CDK14: variants seen among roughly 807,000 people sequenced by gnomAD.
CDK14 encodes cyclin-dependent kinase 14.
CDK14 carries 34 observed loss-of-function variants against 60.7 expected under a neutral mutation model. The observed-to-expected ratio is 0.56, with a 90% CI of 0.43 to 0.75. The LOEUF is 0.75. CDK14 is among the 30% of genes least tolerant of loss of function. The probability of loss-of-function intolerance (pLI) is 0.00; values close to 1 mark genes in which losing one functional copy is unlikely to be tolerated. For synonymous variants in CDK14, 197 were observed against 203.7 expected (o/e 0.97, Z 0.28); for missense variants, 482 against 564.1 (o/e 0.85, Z 1.47).
At chr7:90,839,884 C>G (rs11973359) in intron 5 of CDK14, among the ~76,000 whole-genome samples, 4,033 of 152,108 alleles carry the variant, frequency 0.027, 163 homozygotes, top group African/African-American at 0.091. Context: ...CCTCATGCCT[C>G]CATCCTGTAC....
intron 4 of CDK14, among the ~76,000 whole-genome samples, chr7:90,768,999 A>G (rs560117758): frequency 6.6e-6 from 1 of 152,324 alleles, no homozygotes; most frequent in Admixed American, 6.5e-5. Context: ...TAAGAGGCAA[A>G]TGGTAGACAG....
At chr7:90,917,458 C>A in intron 7 of CDK14, 143 bp from the exon 8 acceptor site, 1 of 640,250 alleles carries the variant, frequency 1.6e-6, no homozygotes, top group Non-Finnish European at 2.6e-6. Context: ...TAAAATCTCA[C>A]ATTCTGTTGA....
chr7:91,007,789 GAAA>G (rs143025433), intron 10 of CDK14, among the ~76,000 whole-genome samples: 2 of 144,954 alleles, frequency 1.4e-5, no homozygotes, highest in East Asian at 2.0e-4. Context: ...CAGGAGGGAG[GAAA>G]AAAAAAACAA....
In CDK14 at chr7:90,930,529, C is replaced by CTTTTT. The variant is rs61187542; in HGVS notation, c.826+12825_826+12829dup. Among the ~76,000 whole-genome samples the CTTTTT allele has an allele frequency of 1.0e-3, 83 of 81,362 alleles. 4 individuals carry two copies. The highest frequency in any genetic ancestry group is 4.3e-3 in the African/African-American group (75 of 17,264). 53.4% of individuals were successfully genotyped at this position (81,362 alleles called of 152,430 possible). A position where few individuals can be genotyped will look rare whatever the true frequency, so the allele number is the denominator to read the frequency against. On this transcript the variant is annotated intron_variant, in intron 8 of 14. Transcript: ENST00000380050. Reference sequence around the variant, plus strand: ...GTGCAGTGTTATAGCACAGGCTAAGCTTTTTTTTTTTTTTTTTTTTTTTTG... The same window carrying CTTTTT: ...GTGCAGTGTTATAGCACAGGCTAAGCTTTTTTTTTTTTTTTTTTTTTTTTTTTTTG...
chr7:90,917,846 T>TC, intron 8 of CDK14, 122 bp downstream of exon 8: 1 of 992,296 alleles, frequency 1.0e-6, no homozygotes, highest in Non-Finnish European at 1.4e-6. Context: ...ATTTTTTTTT[T>TC]CTGAAATGAA....
intron 9 of CDK14, among the ~76,000 whole-genome samples, chr7:90,979,177 G>A (rs908994358): frequency 2.0e-5 from 3 of 152,130 alleles, no homozygotes; most frequent in Admixed American, 6.6e-5. Context: ...AGAATTTCAG[G>A]TAATGTTCGT....
chr7:91,135,325 A>G (rs1003940779), intron 14 of CDK14, among the ~76,000 whole-genome samples: 3 of 152,164 alleles, frequency 2.0e-5, no homozygotes, highest in Admixed American at 6.6e-5. Flanking sequence ...CACAATTACC[A>G]TACCTTAGGA....
chr7:90,837,967 T>C (rs1790167496), intron 5 of CDK14, among the ~76,000 whole-genome samples: 1 of 152,058 alleles, frequency 6.6e-6, no homozygotes, highest in Non-Finnish European at 1.5e-5. Flanking sequence ...TGGAAAAACA[T>C]ATGTAGGATG....
intron 2 of CDK14, among the ~76,000 whole-genome samples, chr7:90,680,859 C>A (rs115888725): frequency 2.0e-5 from 3 of 152,138 alleles, no homozygotes; most frequent in Non-Finnish European, 4.4e-5. Flanking sequence ...AAAGAACTCA[C>A]TTTTAATGGT....
intron 2 of CDK14, among the ~76,000 whole-genome samples, chr7:90,695,279 C>G (rs138899593): frequency 4.5e-4 from 69 of 152,136 alleles, no homozygotes; most frequent in Non-Finnish European, 6.8e-4. Context: ...CCTTGAAATC[C>G]CCTGACATTA....
At chr7:91,145,954 A>ATTTT (rs869115595) in intron 14 of CDK14, among the ~76,000 whole-genome samples, 5 of 127,724 alleles carry the variant, frequency 3.9e-5, no homozygotes, top group East Asian at 2.4e-4. Context: ...TTATTTATTT[A>ATTTT]TTTTTTATGT....
intron 3 of CDK14, among the ~76,000 whole-genome samples, chr7:90,727,156 T>G (rs577856492): frequency 2.0e-5 from 3 of 152,330 alleles, no homozygotes; most frequent in Admixed American, 6.5e-5. Flanking sequence ...AGGATAGTTT[T>G]GAAATTAGCA....
intron 9 of CDK14, among the ~76,000 whole-genome samples, chr7:90,983,244 T>A (rs938564053): frequency 1.3e-5 from 2 of 152,080 alleles, no homozygotes. Context: ...AAAAAAAAGA[T>A]ACACATACTC....
chr7:90,821,762 C>CT (rs1789559264), intron 5 of CDK14, among the ~76,000 whole-genome samples: 1 of 152,176 alleles, frequency 6.6e-6, no homozygotes, highest in South Asian at 2.1e-4. Flanking sequence ...TACTATTAGA[C>CT]TTCCGGGGTC....
intron 2 of CDK14, among the ~76,000 whole-genome samples, chr7:90,699,260 C>T (rs1316041388): frequency 6.6e-6 from 1 of 152,214 alleles, no homozygotes; most frequent in Non-Finnish European, 1.5e-5. Flanking sequence ...AAGACAAGTA[C>T]AAGCCCTCCT....
At chr7:90,842,693 T>G (rs1242917335) in intron 5 of CDK14, among the ~76,000 whole-genome samples, 1 of 152,082 alleles carries the variant, frequency 6.6e-6, no homozygotes, top group Non-Finnish European at 1.5e-5. Flanking sequence ...TTCATAGGAT[T>G]AAAAATAGCA....
At chr7:90,604,960 C>A (rs4141386) in intron 2 of CDK14, among the ~76,000 whole-genome samples, 47,938 of 151,994 alleles carry the variant, frequency 0.32, 8,580 homozygotes, top group East Asian at 0.67. Flanking sequence ...ACTCATTGAT[C>A]TGTGTTGTAA....
intron 14 of CDK14, among the ~76,000 whole-genome samples, chr7:91,186,020 G>C (rs2115908023): frequency 6.6e-6 from 1 of 152,024 alleles, no homozygotes; most frequent in Admixed American, 6.6e-5. Context: ...TTTTGTGACT[G>C]GCTTCTTTTA....
intron 2 of CDK14, among the ~76,000 whole-genome samples, chr7:90,689,217 G>C (rs1353260870): frequency 1.3e-5 from 2 of 152,106 alleles, no homozygotes; most frequent in Non-Finnish European, 2.9e-5. Context: ...GCTCTTAAAG[G>C]GATTTGTGTT....
Sources: gnomAD v4.1 joint callset for allele counts (sites outside exome capture counted in the v4.1 genomes callset) on GRCh38, gnomAD v4.1.1 for gene constraint, MANE v1.5 for transcripts, NCBI Gene and HGNC (gene_info 2026-07-23, HGNC 2026-07-21) for gene names.